Variants in TEX9 observed in about 807,000 individuals in gnomAD.
TEX9 encodes testis expressed 9, also known as testis-expressed protein 9.
Under a neutral mutation model 59.6 loss-of-function variants are expected in TEX9, and 74 were observed. The ratio of observed to expected loss-of-function variants is 1.24; its 90% CI spans 1.03 to 1.51. TEX9 has a LOEUF of 1.51. Among genes scored for constraint, TEX9 ranks in the 40% most tolerant of loss-of-function variants. The pLI is 0.00. For synonymous variants in TEX9, 186 were observed against 152.2 expected, an observed-to-expected ratio of 1.22 and a Z score of -1.64; for missense variants, 522 against 447.8, an observed-to-expected ratio of 1.17 and a Z score of -1.49.
At chr15:56,284,064 A>T (rs2044882472) in intron 1 of TEX9, among the ~76,000 whole-genome samples, 1 of 152,248 alleles carries the variant, frequency 6.6e-6, no homozygotes, top group South Asian at 2.1e-4. Context: ...GCTGGTGGAA[A>T]TGTAAGTCAA....
intron 12 of TEX9, among the ~76,000 whole-genome samples, chr15:56,443,233 A>G (rs2050849231): frequency 6.6e-6 from 1 of 152,134 alleles, no homozygotes; most frequent in African/African-American, 2.4e-5. Flanking sequence ...CATGCTTTTT[A>G]TGGTAAGTTT....
chr15:56,370,232 A>G lies in TEX9; in HGVS notation c.120-3209A>G, dbSNP rs546339712. On this transcript the variant is annotated intron_variant, in intron 2 of 12. Transcript: ENST00000352903. ...ATTTTTAGTGATGTGGAAAGACGTTAGAATGCTTTAACTTGGTGTCCTCTG... is the reference window on the plus strand; with the variant it reads ...ATTTTTAGTGATGTGGAAAGACGTTGGAATGCTTTAACTTGGTGTCCTCTG... Among the ~76,000 whole-genome samples the G allele has an allele frequency of 2.6e-5, 4 of 152,274 alleles. No individual in the cohort carries two copies. The South Asian group carries it at 8.3e-4, about 32-fold the overall frequency.
In TEX9 at chr15:56,376,273, C is replaced by T. The variant is rs192694171; in HGVS notation, c.183+2769C>T. Among the ~76,000 whole-genome samples, 512 of 152,142 alleles carry T rather than the reference C, an allele frequency of 3.4e-3. 7 individuals carry two copies. The highest frequency in any genetic ancestry group is 1.7e-3 in the Non-Finnish European group (113 of 67,994). ...TGATTTCCCCTCTTTTGGACCTATA[C>T]GCAGCAGTGGGATTGCTGGATCATA... On this transcript the variant is annotated intron_variant, in intron 3 of 12. Coordinates refer to ENST00000352903, the Ensembl canonical transcript of TEX9.
At chr15:56,365,642 G>A in exon 2 of TEX9, 1 of 1,614,158 alleles carries the variant, frequency 6.2e-7, no homozygotes, top group Non-Finnish European at 8.5e-7. Context: ...ACCTGGACCC[G>A]ACCTCCTCGC....
At chr15:56,330,785 G>T (rs1171211625) in intron 1 of TEX9, among the ~76,000 whole-genome samples, 1 of 151,944 alleles carries the variant, frequency 6.6e-6, no homozygotes, top group Non-Finnish European at 1.5e-5. Flanking sequence ...AAAAAAAATG[G>T]TTGGAGTAAG....
intron 10 of TEX9, among the ~76,000 whole-genome samples, chr15:56,414,485 CA>C (rs2049567985): frequency 6.6e-6 from 1 of 151,778 alleles, no homozygotes; most frequent in African/African-American, 2.4e-5. Context: ...TAAGTGAAAA[CA>C]AGCGGTATTC....
rs368038839 is a variant in TEX9 at position 56,260,822 on chromosome 15, T to C, written c.-107+16544T>C. 3.9e-5 allele frequency among the ~76,000 whole-genome samples: 6 copies of C among 152,150 alleles called. 1 individual carries two copies. The highest frequency in any genetic ancestry group is 6.5e-5 in the Admixed American group (1 of 15,282). ...TGAAAGAGGTTATGTAGGATTGATA[T>C]ATTTTTCTTAAATGTTTTGGAGAAT... On this transcript the variant is annotated intron_variant, in intron 1 of 5. Transcript: ENST00000560827.
At chr15:56,349,203 G>C (rs2046529132) in intron 1 of TEX9, among the ~76,000 whole-genome samples, 2 of 152,080 alleles carry the variant, frequency 1.3e-5, no homozygotes, top group South Asian at 4.1e-4. Flanking sequence ...TTGTATCTTA[G>C]ATAATATGAA....
chr15:56,289,016 A>C (rs747114190), intron 1 of TEX9, among the ~76,000 whole-genome samples: 1 of 151,800 alleles, frequency 6.6e-6, no homozygotes, highest in African/African-American at 2.4e-5. Flanking sequence ...GATGTTCTCT[A>C]TTGCTTTTGT....
intron 1 of TEX9, among the ~76,000 whole-genome samples, chr15:56,318,361 G>A (rs560681466): frequency 2.6e-5 from 4 of 152,086 alleles, no homozygotes; most frequent in Admixed American, 2.6e-4. Flanking sequence ...TATATGTTTT[G>A]TCATCTTTTT....
intron 12 of TEX9, chr15:56,434,436 T>A: frequency 6.5e-7 from 1 of 1,549,242 alleles, no homozygotes; most frequent in Non-Finnish European, 8.8e-7. Context: ...AACTATTTCC[T>A]TACACCAGAT....
intron 1 of TEX9, among the ~76,000 whole-genome samples, chr15:56,296,602 C>CT (rs1463374027): frequency 6.6e-6 from 1 of 152,198 alleles, no homozygotes; most frequent in Non-Finnish European, 1.5e-5. Flanking sequence ...AAAGGTTTCA[C>CT]TTTTCACTGT....
intron 11 of TEX9, among the ~76,000 whole-genome samples, chr15:56,428,060 G>A (rs1166023116): frequency 2.0e-5 from 3 of 151,996 alleles, no homozygotes; most frequent in African/African-American, 4.8e-5. Flanking sequence ...ACCTTAGAGC[G>A]AACATCACTT....
chr15:56,343,219 C>T (rs1451611783), intron 1 of TEX9, among the ~76,000 whole-genome samples: 2 of 151,934 alleles, frequency 1.3e-5, no homozygotes, highest in African/African-American at 4.8e-5. Context: ...AACATATCAC[C>T]TAAAATTGTC....
At chr15:56,329,234 AC>A (rs2046090482) in intron 1 of TEX9, among the ~76,000 whole-genome samples, 1 of 152,126 alleles carries the variant, frequency 6.6e-6, no homozygotes, top group Non-Finnish European at 1.5e-5. Context: ...GGCTTGGAGT[AC>A]CCCCTAATGC....
chr15:56,388,424 C>A, intron 4 of TEX9, 48 bp from the exon 5 acceptor site: 1 of 1,379,466 alleles, frequency 7.2e-7, no homozygotes, highest in Non-Finnish European at 1.0e-6. Flanking sequence ...ATTGTCTCAG[C>A]TCAGTGTCAT....
At chr15:56,417,097 T>G (rs868574358) in intron 10 of TEX9, among the ~76,000 whole-genome samples, 1 of 151,938 alleles carries the variant, frequency 6.6e-6, no homozygotes, top group South Asian at 2.1e-4. Context: ...TCTTCACTCT[T>G]CTTTACTAGT....
chr15:56,385,401 C>A (rs1160274709), intron 4 of TEX9, among the ~76,000 whole-genome samples: 3 of 152,066 alleles, frequency 2.0e-5, no homozygotes, highest in Non-Finnish European at 2.9e-5. Context: ...ACTACTGATA[C>A]AATTTTTCAG....
intron 1 of TEX9, among the ~76,000 whole-genome samples, chr15:56,266,108 G>T (rs1408054382): frequency 3.3e-5 from 5 of 151,388 alleles, no homozygotes; most frequent in African/African-American, 1.2e-4. Flanking sequence ...TGGTGAATTG[G>T]TTGCTTGTCA....
Sources: gnomAD v4.1 joint callset for allele counts (sites outside exome capture counted in the v4.1 genomes callset) on GRCh38, gnomAD v4.1.1 for gene constraint, MANE v1.5 for transcripts, NCBI Gene and HGNC (gene_info 2026-07-23, HGNC 2026-07-21) for gene names.